DSCAM: variants seen among roughly 807,000 people sequenced by gnomAD.
DSCAM encodes the protein DS cell adhesion molecule.
A neutral mutation model predicts 217.7 loss-of-function variants in DSCAM; 47 were observed. The observed-to-expected ratio is 0.22, with a 90% CI of 0.17 to 0.28. DSCAM has a LOEUF of 0.28. Among genes scored for constraint, DSCAM ranks in the 10% least tolerant of loss-of-function variants. DSCAM has a pLI of 1.00. For missense variants in DSCAM, 2,080 were observed against 2,618.3 expected, an observed-to-expected ratio of 0.79 and a Z score of 4.49; for synonymous variants, 1,056 against 1,015.3, an observed-to-expected ratio of 1.04 and a Z score of -0.76.
intron 3 of DSCAM, among the ~76,000 whole-genome samples, chr21:40,684,435 C>T (rs930679057): frequency 1.3e-5 from 2 of 152,056 alleles, no homozygotes; most frequent in Non-Finnish European, 1.5e-5. Context: ...GAAGGACAGC[C>T]ACAAAGGGCT....
chr21:40,059,926 C>T (rs1229090267), intron 28 of DSCAM, among the ~76,000 whole-genome samples: 1 of 152,104 alleles, frequency 6.6e-6, no homozygotes, highest in African/African-American at 2.4e-5. Context: ...ACCCCCTGGG[C>T]CATGTCCAAA....
At chr21:40,389,772 T>C (rs2123751350) in intron 3 of DSCAM, among the ~76,000 whole-genome samples, 2 of 152,324 alleles carry the variant, frequency 1.3e-5, no homozygotes, top group Middle Eastern at 6.8e-3. Context: ...TTTGCCTGCA[T>C]TGCTTCCTAC....
intron 4 of DSCAM, among the ~76,000 whole-genome samples, chr21:40,357,289 T>C (rs149931513): frequency 1.2e-4 from 19 of 152,320 alleles, no homozygotes; most frequent in African/African-American, 4.3e-4. Context: ...TATGTTCCCA[T>C]AGACTGAATA....
chr21:40,192,436 C>T (rs1033622210), intron 11 of DSCAM, among the ~76,000 whole-genome samples: 164 of 152,258 alleles, frequency 1.1e-3, no homozygotes, highest in African/African-American at 3.7e-3. Flanking sequence ...GGCTTTCCGC[C>T]CTTTACTCTG....
chr21:40,044,237 C>G lies in DSCAM; in HGVS notation c.5224G>C (p.Ala1742Pro). ...CACTGGCTGGCATAGCGGTTTCTCG[C>G]TGTGGGCCCAGCCTTGGCATTCCTC... Reference protein sequence around the residue: ...TRRNAKAGPTARNRYASQWTL... With the variant: ...TRRNAKAGPTPRNRYASQWTL... The change falls in exon 31 of 33, where the codon GCG (alanine) becomes CCG (proline). Residue 1742 changes from alanine to proline, a missense_variant. Physicochemically the swap from Ala to Pro is conservative, Grantham distance 27 (BLOSUM62 -1). This residue lies in a region of DSCAM where 1,144 missense variants were observed against 1,421.1 expected (regional missense o/e 0.81). Transcript: ENST00000400454. The G allele has an allele frequency of 6.2e-7, 1 of 1,614,180 alleles. No homozygotes were observed. Among genetic ancestry groups the G allele is most frequent in the Non-Finnish European group, 8.5e-7 (1 of 1,180,026 alleles).
chr21:40,556,490 T>C (rs1341925483), intron 3 of DSCAM, among the ~76,000 whole-genome samples: 1 of 151,982 alleles, frequency 6.6e-6, no homozygotes, highest in Non-Finnish European at 1.5e-5. Context: ...TATACAGAGG[T>C]CTGGGTAATA....
intron 3 of DSCAM, among the ~76,000 whole-genome samples, chr21:40,581,482 A>C (rs2076905370): frequency 6.6e-6 from 1 of 152,220 alleles, no homozygotes. Flanking sequence ...TGGGCAAGCC[A>C]GGTTTCAAAC....
chr21:40,437,509 C>G (rs1248384917), intron 3 of DSCAM, among the ~76,000 whole-genome samples: 1 of 152,114 alleles, frequency 6.6e-6, no homozygotes, highest in African/African-American at 2.4e-5. Flanking sequence ...GCAAGGGAGG[C>G]ATTGAGGAAC....
chr21:40,539,934 T>C (rs2076530494), intron 3 of DSCAM, among the ~76,000 whole-genome samples: 1 of 152,252 alleles, frequency 6.6e-6, no homozygotes, highest in Admixed American at 6.5e-5. Flanking sequence ...TATTTTTTCC[T>C]AGATGCTATG....
At chr21:40,370,440 G>C (rs2074883980) in intron 3 of DSCAM, among the ~76,000 whole-genome samples, 1 of 151,932 alleles carries the variant, frequency 6.6e-6, no homozygotes, top group Non-Finnish European at 1.5e-5. Context: ...AACTTTTATT[G>C]CTTATTTTTC....
intron 1 of DSCAM, among the ~76,000 whole-genome samples, chr21:40,788,930 C>G (rs954824749): frequency 6.6e-6 from 1 of 152,060 alleles, no homozygotes; most frequent in Non-Finnish European, 1.5e-5. Context: ...TTAGAGGTAG[C>G]CTTAAAAGAA....
At chr21:40,472,342 C>T (rs1014427209) in intron 3 of DSCAM, among the ~76,000 whole-genome samples, 2 of 152,152 alleles carry the variant, frequency 1.3e-5, no homozygotes, top group African/African-American at 2.4e-5. Flanking sequence ...TACCTTCATA[C>T]TGAATCAAAT....
intron 29 of DSCAM, 60 bp from the exon 30 acceptor site, chr21:40,052,167 T>TG (rs2088943660): frequency 8.9e-6 from 14 of 1,580,130 alleles, no homozygotes; most frequent in Middle Eastern, 1.7e-4. Context: ...AACCACTCCC[T>TG]GGCCTTTTCT....
At chr21:40,065,040 G>A (rs1459275937) in intron 27 of DSCAM, among the ~76,000 whole-genome samples, 1 of 152,140 alleles carries the variant, frequency 6.6e-6, no homozygotes, top group Non-Finnish European at 1.5e-5. Flanking sequence ...AAGAGAGCCA[G>A]GGTTATGTGG....
intron 11 of DSCAM, among the ~76,000 whole-genome samples, chr21:40,222,933 G>A (rs1042610819): frequency 6.6e-6 from 1 of 152,128 alleles, no homozygotes; most frequent in Non-Finnish European, 1.5e-5. Flanking sequence ...AAAGTCTAAT[G>A]GAAGTTTCTT....
intron 8 of DSCAM, among the ~76,000 whole-genome samples, chr21:40,319,729 C>T (rs1569061341): frequency 6.6e-6 from 1 of 152,106 alleles, no homozygotes; most frequent in East Asian, 1.9e-4. Context: ...ACAGCCTTGC[C>T]AACACTTGTT....
intron 23 of DSCAM, 105 bp downstream of exon 23, chr21:40,085,497 T>A: frequency 3.9e-6 from 4 of 1,033,668 alleles, no homozygotes; most frequent in African/African-American, 1.6e-5. Flanking sequence ...GAAACAGAAG[T>A]TAGCTCTTTA....
intron 1 of DSCAM, among the ~76,000 whole-genome samples, chr21:40,773,622 TAACAC>T (rs2091464531): frequency 6.6e-6 from 1 of 152,172 alleles, no homozygotes; most frequent in South Asian, 2.1e-4. Flanking sequence ...TACACCAACC[TAACAC>T]ATTTCAGCAA....
chr21:40,765,487 T>C (rs575722892), intron 1 of DSCAM, among the ~76,000 whole-genome samples: 3 of 152,278 alleles, frequency 2.0e-5, no homozygotes, highest in South Asian at 4.2e-4. Context: ...ATGACCACAG[T>C]GTGCAAGTGA....
Sources: gnomAD v4.1 joint callset for allele counts (sites outside exome capture counted in the v4.1 genomes callset) on GRCh38, gnomAD v4.1.1 for gene constraint, gnomAD v4.1.1 regional missense constraint, MANE v1.5 for transcripts, NCBI Gene and HGNC (gene_info 2026-07-23, HGNC 2026-07-21) for gene names.